Variants in CDH12 observed in about 807,000 individuals in gnomAD.
The protein encoded by CDH12 is cadherin-12.
CDH12 carries 41 observed loss-of-function variants against 74.1 expected under a neutral mutation model. The observed-to-expected ratio is 0.55, with a 90% CI of 0.43 to 0.72. The LOEUF (loss-of-function observed/expected upper bound fraction) is 0.72, where lower values mean the gene tolerates loss of function less well. Ranked by LOEUF, CDH12 falls within the 30% of genes least tolerant of loss-of-function variation. CDH12 has a pLI of 0.00. For synonymous variants in CDH12, 399 were observed against 355.0 expected (o/e 1.12, Z -1.39); for missense variants, 945 against 977.2 (o/e 0.97, Z 0.44).
intron 2 of CDH12, among the ~76,000 whole-genome samples, chr5:22,432,562 C>CGT (rs138983932): frequency 0.15 from 22,837 of 149,282 alleles, 1,779 homozygotes; most frequent in Middle Eastern, 0.22. Context: ...TGTGTGTGTG[C>CGT]GTGTGTGTGT....
intron 4 of CDH12, among the ~76,000 whole-genome samples, chr5:22,162,636 T>A (rs1748425105): frequency 6.6e-6 from 1 of 152,062 alleles, no homozygotes; most frequent in Admixed American, 6.5e-5. Context: ...GTGTTTATTT[T>A]TAAAAATAAC....
At chr5:21,971,904 C>G (rs1165457980) in intron 6 of CDH12, among the ~76,000 whole-genome samples, 1 of 152,106 alleles carries the variant, frequency 6.6e-6, no homozygotes, top group Non-Finnish European at 1.5e-5. Flanking sequence ...ACGGAGTGAT[C>G]TTTCTCTTAA....
At chr5:22,293,556 T>C (rs1341831540) in intron 3 of CDH12, among the ~76,000 whole-genome samples, 1 of 152,078 alleles carries the variant, frequency 6.6e-6, no homozygotes, top group Non-Finnish European at 1.5e-5. Flanking sequence ...AGCCAAGATA[T>C]GAAATAAATC....
chr5:22,775,153 G>A (rs145943878), intron 1 of CDH12, among the ~76,000 whole-genome samples: 1 of 151,776 alleles, frequency 6.6e-6, no homozygotes, highest in Non-Finnish European at 1.5e-5. Context: ...AATTCAAAAA[G>A]CACAGGTTTT....
chr5:21,893,310 C>G (rs1752976346), intron 6 of CDH12, among the ~76,000 whole-genome samples: 1 of 152,028 alleles, frequency 6.6e-6, no homozygotes, highest in Non-Finnish European at 1.5e-5. Flanking sequence ...AGAACCTCAG[C>G]AAAAACAGGG....
At chr5:22,228,305 G>GTAGCAGCA (rs1362971527) in intron 3 of CDH12, among the ~76,000 whole-genome samples, 1 of 151,914 alleles carries the variant, frequency 6.6e-6, no homozygotes, top group Non-Finnish European at 1.5e-5. Flanking sequence ...ATATAACACC[G>GTAGCAGCA]TAGCAGCATA....
intron 6 of CDH12, among the ~76,000 whole-genome samples, chr5:21,927,168 T>C (rs150508464): frequency 1.3e-5 from 2 of 152,194 alleles, no homozygotes; most frequent in South Asian, 4.1e-4. Context: ...TATTATCAAG[T>C]AATTAAGGAG....
At chr5:22,079,183 G>T (rs575005106) in intron 4 of CDH12, among the ~76,000 whole-genome samples, 1 of 152,282 alleles carries the variant, frequency 6.6e-6, no homozygotes, top group Non-Finnish European at 1.5e-5. Context: ...GTTAGAGTAG[G>T]ATCTTGCAAC....
At position 21,966,706 on chromosome 5, in the gene CDH12, T is replaced by A. The variant is rs1449599814; in HGVS notation, c.526+8385A>T. Among the ~76,000 whole-genome samples, 10 of 152,140 alleles carry A rather than the reference T, an allele frequency of 6.6e-5. No individual in the cohort carries two copies. The East Asian group carries it at 1.9e-3, about 30-fold the overall frequency. On this transcript the variant is annotated intron_variant, in intron 6 of 14. Transcript: ENST00000382254. ...ATCAAAGCCTTCCTGAGTAATTAAT[T>A]ATTTGGCCTGATGATGAATTACTGT...
intron 5 of CDH12, among the ~76,000 whole-genome samples, chr5:22,016,642 T>A (rs1403818080): frequency 1.3e-5 from 2 of 152,068 alleles, no homozygotes; most frequent in Admixed American, 6.6e-5. Context: ...CTCCTCAGCC[T>A]CCCAAAGTGC....
intron 4 of CDH12, among the ~76,000 whole-genome samples, chr5:22,082,541 T>C (rs188845121): frequency 1.1e-3 from 163 of 152,318 alleles, no homozygotes; most frequent in Non-Finnish European, 1.6e-3. Flanking sequence ...CTACTCTAAA[T>C]GGTGCACAGT....
intron 1 of CDH12, among the ~76,000 whole-genome samples, chr5:22,696,084 T>C (rs1742340945): frequency 6.6e-6 from 1 of 152,106 alleles, no homozygotes; most frequent in Admixed American, 6.6e-5. Context: ...AACATTATTT[T>C]TCAGCTGGGC....
chr5:21,924,871 A>T (rs1754519483), intron 6 of CDH12, among the ~76,000 whole-genome samples: 1 of 152,178 alleles, frequency 6.6e-6, no homozygotes, highest in African/African-American at 2.4e-5. Context: ...CATTGATACT[A>T]GAAATAACTA....
chr5:22,271,231 A>T (rs564905556), intron 3 of CDH12, among the ~76,000 whole-genome samples: 2 of 152,306 alleles, frequency 1.3e-5, no homozygotes, highest in South Asian at 4.1e-4. Context: ...TGTTCAAAGC[A>T]TCTTCACCAG....
intron 4 of CDH12, among the ~76,000 whole-genome samples, chr5:22,151,028 G>A (rs1484382524): frequency 6.6e-6 from 1 of 152,156 alleles, no homozygotes; most frequent in Non-Finnish European, 1.5e-5. Flanking sequence ...AGATTTAGCA[G>A]CTTACATAAA....
At chr5:21,897,960 A>T (rs1196051037) in intron 6 of CDH12, among the ~76,000 whole-genome samples, 1 of 152,118 alleles carries the variant, frequency 6.6e-6, no homozygotes, top group African/African-American at 2.4e-5. Flanking sequence ...TAATGTTCTG[A>T]TATTTTTATT....
intron 4 of CDH12, among the ~76,000 whole-genome samples, chr5:22,154,493 A>G (rs62349115): frequency 5.6e-5 from 1 of 17,850 alleles, no homozygotes; most frequent in Non-Finnish European, 1.4e-4. Flanking sequence ...GTACACATAT[A>G]TATGTACACA....
At chr5:21,949,582 T>A (rs1755741725) in intron 6 of CDH12, among the ~76,000 whole-genome samples, 1 of 152,086 alleles carries the variant, frequency 6.6e-6, no homozygotes. Context: ...TAGAGGAGCT[T>A]CCAGTGGGAC....
At chr5:22,116,346 A>C (rs1292241547) in intron 4 of CDH12, among the ~76,000 whole-genome samples, 2 of 152,154 alleles carry the variant, frequency 1.3e-5, no homozygotes, top group Admixed American at 6.5e-5. Context: ...TCCAACAACC[A>C]ATGCATTTAA....
Sources: allele counts gnomAD v4.1 joint callset (sites outside exome capture counted in the v4.1 genomes callset), GRCh38; gene constraint gnomAD v4.1.1; transcripts MANE v1.5; gene names NCBI Gene and HGNC (gene_info 2026-07-23, HGNC 2026-07-21).